Variants in POLR3GL observed in about 807,000 individuals in gnomAD.
POLR3GL encodes DNA-directed RNA polymerase III subunit RPC7-like.
Under a neutral mutation model 32.4 loss-of-function variants are expected in POLR3GL, and 26 were observed. That is an observed-to-expected ratio of 0.80 (90% CI 0.59 to 1.11). The LOEUF (loss-of-function observed/expected upper bound fraction) is 1.11, where lower values mean the gene tolerates loss of function less well. POLR3GL is among the 50% of genes most tolerant of loss of function. The pLI is 0.00. For missense variants in POLR3GL, 229 were observed against 280.1 expected, an observed-to-expected ratio of 0.82 and a Z score of 1.30; for synonymous variants, 95 against 98.7, an observed-to-expected ratio of 0.96 and a Z score of 0.22.
chr1:145,972,012 A>ATATATATATATGTGTG (rs782186587), intron 1 of POLR3GL, among the ~76,000 whole-genome samples: 23 of 112,602 alleles, frequency 2.0e-4, no homozygotes, highest in African/African-American at 8.2e-4. Context: ...ATATATATAT[A>ATATATATATATGTGTG]CGTGTGTGTG....
intron 1 of POLR3GL, among the ~76,000 whole-genome samples, chr1:145,966,514 G>T (rs587616999): frequency 6.6e-6 from 1 of 150,566 alleles, no homozygotes; most frequent in Non-Finnish European, 1.5e-5. Context: ...GAGGCCGGGC[G>T]TGATGGCTCA....
intron 1 of POLR3GL, among the ~76,000 whole-genome samples, chr1:145,965,160 A>G (rs914670344): frequency 6.6e-6 from 1 of 152,058 alleles, no homozygotes; most frequent in Admixed American, 6.5e-5. Context: ...AGCGTTTTGT[A>G]TATACCTTTA....
intron 1 of POLR3GL, among the ~76,000 whole-genome samples, chr1:145,969,860 G>A (rs1359343926): frequency 3.3e-5 from 5 of 149,558 alleles, no homozygotes; most frequent in African/African-American, 9.8e-5. Context: ...TGGAGGCTGC[G>A]GTGAGCCGAG....
intron 3 of POLR3GL, among the ~76,000 whole-genome samples, chr1:145,976,606 A>G (rs1650565980): frequency 6.7e-6 from 1 of 150,132 alleles, no homozygotes; most frequent in Non-Finnish European, 1.5e-5. Flanking sequence ...TTGGGTGGAA[A>G]AGGAACAGGT....
At chr1:145,970,414 G>A (rs1026915348) in intron 1 of POLR3GL, among the ~76,000 whole-genome samples, 10 of 152,064 alleles carry the variant, frequency 6.6e-5, no homozygotes, top group African/African-American at 2.4e-4. Flanking sequence ...CCAGAGTGCT[G>A]GGATTACAGG....
Position 145,977,108 on chromosome 1 carries a change from A to C in POLR3GL, c.281A>C (p.Tyr94Ser). The stretch of plus-strand genomic sequence containing the variant: ...GATGTGGAGCGTTATTCAGACAAAT[A>C]TCAGATGTCAGGTCCGATTGACAAT... ...KRDVERYSDK[Y>S]QMSGPIDNAI... The change falls in exon 4 of 8, where the codon TAT becomes TCT. Residue 94 changes from tyrosine (Y) to serine (S), a missense_variant. Transcript: ENST00000369314. The C allele has an allele frequency of 6.2e-7, 1 of 1,613,878 alleles. No individual in the cohort carries two copies. Among genetic ancestry groups the C allele is most frequent in the South Asian group, 1.1e-5 (1 of 91,068 alleles).
At position 145,978,669 on chromosome 1, in the gene POLR3GL, C is replaced by G. The variant is rs1220220412; in HGVS notation, c.*222C>G. On this transcript the variant is annotated 3_prime_UTR_variant, in exon 8 of 8. Coordinates refer to ENST00000369314, the MANE Select transcript of POLR3GL (RefSeq NM_032305.3). The stretch of plus-strand genomic sequence containing the variant: ...TGGGGAAAGTGCAAAGGACAAACAT[C>G]TCAATTGTATGAAGGGAGAAAGGAG... The G allele has an allele frequency of 3.7e-6, 2 of 540,192 alleles. No individual in the cohort carries two copies. Among genetic ancestry groups the G allele is most frequent in the African/African-American group, 1.9e-5 (1 of 51,832 alleles). 33.5% of individuals were successfully genotyped at this position (540,192 alleles called of 1,614,324 possible).
Position 145,974,854 on chromosome 1 carries a change from GC to G in POLR3GL, c.-7del. ...ATTCACTGGATCTCTGAATACCCAG[GC>G]CCCCTCCACCATGGCCAGCCGGGGT... On this transcript the variant is annotated 5_prime_UTR_variant, in exon 2 of 8. Transcript: ENST00000369314. 6.6e-7 allele frequency: 1 copy of G among 1,506,486 alleles called. No homozygotes were observed. The highest frequency in any genetic ancestry group is 1.4e-5 in the South Asian group (1 of 73,466). 93.3% of individuals were successfully genotyped at this position (1,506,486 alleles called of 1,614,324 possible). A position where few individuals can be genotyped will look rare whatever the true frequency, so the allele number is the denominator to read the frequency against.
At chr1:145,967,567 A>T (rs117280952) in intron 1 of POLR3GL, among the ~76,000 whole-genome samples, 2,142 of 152,282 alleles carry the variant, frequency 0.014, 131 homozygotes, top group Admixed American at 0.11. Context: ...CAAGATTTTA[A>T]GGGTGTTAAT....
intron 1 of POLR3GL, among the ~76,000 whole-genome samples, chr1:145,967,335 T>C (rs1304246267): frequency 1.3e-5 from 2 of 152,038 alleles, no homozygotes; most frequent in Non-Finnish European, 2.9e-5. Context: ...CCACTGTGCC[T>C]GGCTAATTTT....
At chr1:145,971,878 T>C (rs1291828447) in intron 1 of POLR3GL, among the ~76,000 whole-genome samples, 2 of 139,654 alleles carry the variant, frequency 1.4e-5, no homozygotes, top group East Asian at 4.4e-4. Context: ...GGCAGGAGAG[T>C]CGCTTGCACC....
chr1:145,977,881 T>C, intron 6 of POLR3GL, 30 bp downstream of exon 6: 1 of 1,613,828 alleles, frequency 6.2e-7, no homozygotes. Flanking sequence ...AGAGACCTCC[T>C]GAGCCCTGGA....
chr1:145,972,926 A>C (rs782575387), intron 1 of POLR3GL, among the ~76,000 whole-genome samples: 4 of 152,034 alleles, frequency 2.6e-5, no homozygotes, highest in Non-Finnish European at 4.4e-5. Flanking sequence ...TCAAACTCCT[A>C]GGGCTCGAGT....
At chr1:145,967,256 C>T (rs587634423) in intron 1 of POLR3GL, among the ~76,000 whole-genome samples, 1 of 151,860 alleles carries the variant, frequency 6.6e-6, no homozygotes, top group East Asian at 1.9e-4. Flanking sequence ...CTCACTGCAA[C>T]CTCCACCTCC....
chr1:145,968,717 G>A (rs189413231), intron 1 of POLR3GL, among the ~76,000 whole-genome samples: 3 of 151,822 alleles, frequency 2.0e-5, no homozygotes, highest in East Asian at 1.9e-4. Context: ...GATTACAGGC[G>A]TGCACCACCA....
Position 145,978,051 on chromosome 1 carries a change from G to A in POLR3GL, c.525G>A (p.Lys175=), listed in dbSNP as rs1338944143. 2 of 1,601,424 alleles carry A rather than the reference G, an allele frequency of 1.2e-6. No homozygotes were observed. Among genetic ancestry groups the A allele is most frequent in the African/African-American group, 1.3e-5 (1 of 74,648 alleles). ...AGGAGAAAGAAGAAGAAGAAGAGAA[G>A]GAAGAGGAGGAAGAAGAAGAGTATG... ...EDEEKEEEEE[K]EEEEEEEYDE... Residue 175 remains lysine (K), a synonymous_variant, in exon 7 of 8, where the codon AAG becomes AAA. Coordinates refer to ENST00000369314, the MANE Select transcript of POLR3GL (RefSeq NM_032305.3).
chr1:145,975,176 A>G (rs1650496506), intron 2 of POLR3GL, 131 bp from the exon 3 acceptor site: 1 of 1,347,576 alleles, frequency 7.4e-7, no homozygotes. Flanking sequence ...TTTCAAAATA[A>G]TATGTTACTC....
chr1:145,968,982 AT>A (rs1158982923), intron 1 of POLR3GL, among the ~76,000 whole-genome samples: 2 of 151,938 alleles, frequency 1.3e-5, no homozygotes, highest in Middle Eastern at 3.4e-3. Context: ...TGTTTCCTCA[AT>A]TTTTTTTATG....
chr1:145,977,926 A>AT (rs1216750944), intron 6 of POLR3GL, 57 bp from the exon 7 acceptor site: 1 of 1,613,742 alleles, frequency 6.2e-7, no homozygotes, highest in East Asian at 2.2e-5. Flanking sequence ...GTGTGCCTCA[A>AT]TTTTTCCCTT....
Sources: allele counts gnomAD v4.1 joint callset (sites outside exome capture counted in the v4.1 genomes callset), GRCh38; gene constraint gnomAD v4.1.1; transcripts MANE v1.5; gene names NCBI Gene and HGNC (gene_info 2026-07-23, HGNC 2026-07-21).